The following ZZEF1 variants were observed in gnomAD, a reference collection of about 807,000 sequenced individuals.
ZZEF1 encodes zinc finger ZZ-type and EF-hand domain-containing protein 1.
ZZEF1 carries 157 observed loss-of-function variants against 342.8 expected under a neutral mutation model. The observed-to-expected ratio is 0.46, with a 90% CI of 0.40 to 0.52. The LOEUF (loss-of-function observed/expected upper bound fraction) is 0.52. ZZEF1 is among the 20% of genes least tolerant of loss of function. ZZEF1 has a pLI of 0.00. For synonymous variants in ZZEF1, 1,505 were observed against 1,429.1 expected, an observed-to-expected ratio of 1.05 and a Z score of -1.20; for missense variants, 3,480 against 3,725.6, an observed-to-expected ratio of 0.93 and a Z score of 1.72.
chr17:4,136,664 A>G (rs1462556046), intron 1 of ZZEF1, among the ~76,000 whole-genome samples: 2 of 152,144 alleles, frequency 1.3e-5, no homozygotes, highest in African/African-American at 4.8e-5. Context: ...ACACCCGTCC[A>G]GGTTGCTATG....
Position 4,017,163 on chromosome 17 carries a change from G to T in ZZEF1, c.8001+208C>A. 1 of 622,102 alleles carries T rather than the reference G, an allele frequency of 1.6e-6. No individual in the cohort carries two copies. Among genetic ancestry groups the T allele is most frequent in the Non-Finnish European group, 2.6e-6 (1 of 380,566 alleles). 38.5% of individuals were successfully genotyped at this position (622,102 alleles called of 1,614,324 possible). On this transcript the variant is annotated intron_variant, in intron 48 of 54. Coordinates refer to ENST00000381638, the MANE Select transcript of ZZEF1 (RefSeq NM_015113.4). This position sits in a 1 kb window ranked among gnomAD's most constrained non-coding sequence, Gnocchi z 5.1. ...GATGGCGACAAAGCTTTCTGGTTCA[G>T]CTGGAAATCGCGCTCAGGGCCCCTG...
At chr17:4,082,540 C>A (rs768561258) in intron 16 of ZZEF1, 36 bp from the exon 17 acceptor site, 1 of 1,598,306 alleles carries the variant, frequency 6.3e-7, no homozygotes, top group South Asian at 1.1e-5. Context: ...TTCAGAAAAT[C>A]TAGTCCATGA....
intron 38 of ZZEF1, among the ~76,000 whole-genome samples, chr17:4,043,824 G>A (rs557388253): frequency 6.6e-6 from 1 of 152,258 alleles, no homozygotes; most frequent in Non-Finnish European, 1.5e-5. Context: ...CTGCCCCAGA[G>A]AGACACCAAT....
intron 1 of ZZEF1, among the ~76,000 whole-genome samples, chr17:4,137,194 C>T (rs886404772): frequency 6.6e-6 from 1 of 152,146 alleles, no homozygotes; most frequent in African/African-American, 2.4e-5. Flanking sequence ...TTTTGGAAAT[C>T]AGGGAGAGAC....
intron 1 of ZZEF1, among the ~76,000 whole-genome samples, chr17:4,132,875 A>G (rs1335774528): frequency 6.6e-6 from 1 of 152,058 alleles, no homozygotes; most frequent in African/African-American, 2.4e-5. Flanking sequence ...CTGAGGCAGG[A>G]GAATGGCATG....
At chr17:4,046,986 T>C (rs998295449) in intron 37 of ZZEF1, among the ~76,000 whole-genome samples, 1 of 152,218 alleles carries the variant, frequency 6.6e-6, no homozygotes, top group African/African-American at 2.4e-5. Context: ...ACAGTCCTTA[T>C]GGCCACTGTA....
In ZZEF1 at chr17:4,032,328, G is replaced by A. The variant is rs909960481; in HGVS notation, c.6760-70C>T. The A allele has an allele frequency of 5.9e-6, 9 of 1,522,996 alleles. No individual in the cohort carries two copies. The Admixed American group carries it at 8.5e-5, about 14-fold the overall frequency. The allele number at this position is 1,522,996 out of a possible 1,614,324, so 94.3% of individuals were successfully genotyped here. On this transcript the variant is annotated intron_variant, in intron 41 of 54. Coordinates refer to ENST00000381638, the MANE Select transcript of ZZEF1 (RefSeq NM_015113.4). ...GACAAGAAAGAATTCTTAGGCATAA[G>A]CCCAGCCCCCTTTGATTGTGCCTCT...
chr17:4,027,594 CT>C lies in ZZEF1; in HGVS notation c.6893-2477del, dbSNP rs35210596. Among the ~76,000 whole-genome samples, 772 of 119,702 alleles carry C rather than the reference CT, an allele frequency of 6.4e-3. 1 individual carries two copies. Among genetic ancestry groups the C allele is most frequent in the Non-Finnish European group, 8.1e-3 (490 of 60,422 alleles). The allele number at this position is 119,702 out of a possible 152,430, so 78.5% of individuals were successfully genotyped here. On this transcript the variant is annotated intron_variant, in intron 42 of 54. Transcript: ENST00000381638. The stretch of plus-strand genomic sequence containing the variant: ...ACAGGCATGAGCCACTGTGCCCTGC[CT>C]TTTTTTTTTTTTTTTTTTTAAAGAG...
intron 1 of ZZEF1, among the ~76,000 whole-genome samples, chr17:4,137,485 G>A (rs186185356): frequency 2.4e-3 from 365 of 152,242 alleles, no homozygotes; most frequent in African/African-American, 8.4e-3. Flanking sequence ...GGTGGCAGGC[G>A]CCTGTAGTCC....
chr17:4,081,548 T>C, intron 17 of ZZEF1, 58 bp from the exon 18 acceptor site: 1 of 1,394,858 alleles, frequency 7.2e-7, no homozygotes, highest in Non-Finnish European at 1.0e-6. Context: ...TTTTATACTA[T>C]TTTAAAAGAT....
chr17:4,059,004 T>A (rs2057228191), intron 31 of ZZEF1, among the ~76,000 whole-genome samples, 167 bp downstream of exon 31: 1 of 152,130 alleles, frequency 6.6e-6, no homozygotes, highest in African/African-American at 2.4e-5. Context: ...GGAGAAAATA[T>A]ACGAATAAGT....
intron 44 of ZZEF1, among the ~76,000 whole-genome samples, chr17:4,021,850 G>A (rs978300537): frequency 5.3e-5 from 8 of 151,854 alleles, no homozygotes; most frequent in South Asian, 2.1e-4. Flanking sequence ...CACATGCAAC[G>A]CAAAATGCAT....
At chr17:4,025,208 T>A in intron 42 of ZZEF1, 90 bp from the exon 43 acceptor site, 1 of 1,240,162 alleles carries the variant, frequency 8.1e-7, no homozygotes, top group Non-Finnish European at 1.2e-6. Flanking sequence ...CATGCCTTAC[T>A]AAAGTAGGGA....
intron 17 of ZZEF1, among the ~76,000 whole-genome samples, chr17:4,081,832 T>TG (rs1346662831): frequency 6.6e-6 from 1 of 152,250 alleles, no homozygotes; most frequent in African/African-American, 2.4e-5. Context: ...TCTTCACATG[T>TG]CTTCACAGGA....
rs528058921 is a variant in ZZEF1 at position 4,032,217 on chromosome 17, G to A, written c.6801C>T (p.Ala2267=). The change falls in exon 42 of 55, where the codon GCC becomes GCT. Residue 2267 remains alanine, a synonymous_variant. Coordinates refer to ENST00000381638, the MANE Select transcript of ZZEF1 (RefSeq NM_015113.4). Reference sequence around the variant, plus strand: ...AGATGATCACATTATGGGGTTCATTGGCATTATCCATATAAACGCAGCGGG... The same window carrying A: ...AGATGATCACATTATGGGGTTCATTAGCATTATCCATATAAACGCAGCGGG... The part of the protein sequence containing the change: ...VGTRCVYMDN[A]NEPHNVIILK... The A allele has an allele frequency of 5.0e-6, 8 of 1,613,818 alleles. No homozygotes were observed. In the Admixed American group the frequency reaches 5.0e-5, roughly 10 times the overall value.
intron 11 of ZZEF1, among the ~76,000 whole-genome samples, chr17:4,094,528 C>T (rs955186139): frequency 6.6e-6 from 1 of 152,156 alleles, no homozygotes; most frequent in Non-Finnish European, 1.5e-5. Context: ...TGGCTCCTGA[C>T]CTGTTTATCC....
chr17:4,099,744 C>A (rs551409090), intron 9 of ZZEF1, among the ~76,000 whole-genome samples: 1 of 152,146 alleles, frequency 6.6e-6, no homozygotes, highest in South Asian at 2.1e-4. Context: ...TGGGGTTTCA[C>A]CATGTTGGCC....
At chr17:4,066,635 C>A in intron 27 of ZZEF1, 95 bp from the exon 28 acceptor site, 1 of 993,714 alleles carries the variant, frequency 1.0e-6, no homozygotes, top group Non-Finnish European at 1.6e-6. Flanking sequence ...GCACTGACAC[C>A]ACAGAGTACT....
chr17:4,048,577 T>C (rs1412883225), intron 37 of ZZEF1, among the ~76,000 whole-genome samples: 1 of 152,210 alleles, frequency 6.6e-6, no homozygotes, highest in Non-Finnish European at 1.5e-5. Flanking sequence ...GGATCCAGAA[T>C]AGCTTTTCTG....
Sources: gnomAD v4.1 joint callset for allele counts (sites outside exome capture counted in the v4.1 genomes callset) on GRCh38, gnomAD v4.1.1 for gene constraint, Gnocchi (gnomAD v3.1) non-coding constraint, MANE v1.5 for transcripts, NCBI Gene and HGNC (gene_info 2026-07-23, HGNC 2026-07-21) for gene names.